Variants in TRPV5 observed in about 807,000 individuals in gnomAD.
TRPV5 encodes transient receptor potential cation channel subfamily V member 5, also known as calcium transport protein 2.
Under a neutral mutation model 74.1 loss-of-function variants are expected in TRPV5, and 66 were observed. The ratio of observed to expected loss-of-function variants is 0.89; its 90% CI spans 0.73 to 1.09. The LOEUF (loss-of-function observed/expected upper bound fraction) is 1.09. Among genes scored for constraint, TRPV5 ranks in the 50% least tolerant of loss-of-function variants. The probability of loss-of-function intolerance (pLI) is 0.00; values close to 1 mark genes in which losing one functional copy is unlikely to be tolerated. For missense variants in TRPV5, 936 were observed against 930.4 expected (o/e 1.01, Z -0.08); for synonymous variants, 399 against 360.7 (o/e 1.11, Z -1.20).
chr7:142,928,582 A>G, intron 6 of TRPV5, 109 bp downstream of exon 6: 1 of 1,434,628 alleles, frequency 7.0e-7, no homozygotes, highest in Non-Finnish European at 9.3e-7. Flanking sequence ...AGTTTGGGGA[A>G]AAGGGATTTT....
intron 1 of TRPV5, among the ~76,000 whole-genome samples, chr7:142,930,911 C>A (rs1374338164): frequency 4.6e-5 from 7 of 151,840 alleles, no homozygotes; most frequent in Non-Finnish European, 2.9e-5. Context: ...TTTGGGAGAC[C>A]AAAACACAGA....
intron 8 of TRPV5, among the ~76,000 whole-genome samples, chr7:142,916,121 C>T (rs907955168): frequency 3.3e-5 from 5 of 152,216 alleles, no homozygotes; most frequent in African/African-American, 1.2e-4. Context: ...ACAGTGCTTA[C>T]CTCCCAGAGT....
At chr7:142,912,109 A>G (rs1277725188) in intron 13 of TRPV5, among the ~76,000 whole-genome samples, 2 of 152,252 alleles carry the variant, frequency 1.3e-5, no homozygotes, top group Non-Finnish European at 2.9e-5. Context: ...TTATCAGTCT[A>G]TGGTGATATA....
At chr7:142,924,281 C>A (rs7457946) in intron 8 of TRPV5, among the ~76,000 whole-genome samples, 2 of 102,066 alleles carry the variant, frequency 2.0e-5, no homozygotes, top group African/African-American at 3.8e-5. Flanking sequence ...TATATATATA[C>A]ATATACATGT....
rs1795941080 is a variant in TRPV5 at position 142,924,327 on chromosome 7, T to TATATATAC, written c.1122+1201_1122+1202insGTATATAT. On this transcript the variant is annotated intron_variant, in intron 8 of 14. Transcript: ENST00000265310. Reference sequence around the variant, plus strand: ...ATATATATATACACACATATACATGTATATATATACATATATATATATATA... The same window carrying TATATATAC: ...ATATATATATACACACATATACATGTATATATACATATATATACATATATATATATATA... Among the ~76,000 whole-genome samples, 25 of 8,428 alleles carry TATATATAC rather than the reference T, an allele frequency of 3.0e-3. 2 individuals carry two copies. Among genetic ancestry groups the TATATATAC allele is most frequent in the African/African-American group, 5.6e-3 (24 of 4,282 alleles). The allele number at this position is 8,428 out of a possible 152,430, so 5.5% of individuals were successfully genotyped here. A position where few individuals can be genotyped will look rare whatever the true frequency, so the allele number is the denominator to read the frequency against.
At chr7:142,909,415 G>A in intron 14 of TRPV5, 75 bp downstream of exon 14, 2 of 1,508,818 alleles carry the variant, frequency 1.3e-6, no homozygotes, top group Non-Finnish European at 1.8e-6. Context: ...GTAGGCTCCA[G>A]GACGCCTGTC....
chr7:142,923,636 G>T (rs1367527613), intron 8 of TRPV5, among the ~76,000 whole-genome samples: 3 of 152,112 alleles, frequency 2.0e-5, no homozygotes, highest in Non-Finnish European at 4.4e-5. Context: ...GGCAGAAAGG[G>T]TAAAAATGCC....
In TRPV5 at chr7:142,928,761, G is replaced by T. The variant is rs1223898278; in HGVS notation, c.692C>A (p.Pro231His). Residue 231 changes from proline (P) to histidine (H), a missense_variant, in exon 6 of 15, where the codon CCC (proline) becomes CAC (histidine). Physicochemically the swap from Pro to His is moderately conservative, Grantham distance 77. Transcript: ENST00000265310. ...SYDGHGDHLQ[P>H]LDLVPNHQGL... ...CTGGTGATTGGGCACAAGGTCCAGG[G>T]GCTGCAGGTGGTCCCCATGTCCATC... The T allele has an allele frequency of 1.9e-6, 3 of 1,614,030 alleles. No homozygotes were observed. The highest frequency in any genetic ancestry group is 1.7e-5 in the Admixed American group (1 of 60,004).
chr7:142,929,083 G>C lies in TRPV5; in HGVS notation c.525C>G (p.Ser175Arg), dbSNP rs776874808. Residue 175 changes from serine to arginine, a missense_variant, in exon 5 of 15, where the codon AGC (serine) becomes AGG (arginine). By Grantham distance (110) the Ser-to-Arg change is moderately radical. Transcript: ENST00000265310. ...HPLSFAACVN[S>R]EEIVRLLIEH... ...CAATGAGCAGCCGCACGATCTCCTCGCTGTTCACACAGGCAGCAAAGGACA... is the reference window on the plus strand; with the variant it reads ...CAATGAGCAGCCGCACGATCTCCTCCCTGTTCACACAGGCAGCAAAGGACA... 1 of 1,614,036 alleles carries C rather than the reference G, an allele frequency of 6.2e-7. No individual in the cohort carries two copies. The highest frequency in any genetic ancestry group is 2.2e-5 in the East Asian group (1 of 44,856).
intron 8 of TRPV5, among the ~76,000 whole-genome samples, chr7:142,920,331 C>T (rs991406276): frequency 1.3e-5 from 2 of 152,280 alleles, no homozygotes; most frequent in Admixed American, 6.5e-5. Context: ...ATGACTTGCC[C>T]TATATGCCAG....
At position 142,915,510 on chromosome 7, in the gene TRPV5, A is replaced by G. The variant is rs370936828; in HGVS notation, c.1181T>C (p.Val394Ala). Residue 394 changes from valine (V) to alanine (A), a missense_variant, in exon 9 of 15, where the codon GTT (valine) becomes GCT (alanine). By Grantham distance (64) the Val-to-Ala change is moderately conservative. Transcript: ENST00000265310. ...TAGGAGCAGGATGATCACAGCCCCA[A>G]CGATGCTCACCAGCTCCCCCACCAG... Reference protein sequence around the residue: ...IRLVGELVSIVGAVIILLLEI... With the variant: ...IRLVGELVSIAGAVIILLLEI... 20 of 1,614,014 alleles carry G rather than the reference A, an allele frequency of 1.2e-5. No homozygotes were observed. The highest frequency in any genetic ancestry group is 4.5e-5 in the East Asian group (2 of 44,884).
chr7:142,929,043 T>A lies in TRPV5; in HGVS notation c.565A>T (p.Ile189Phe). 1 of 1,614,044 alleles carries A rather than the reference T, an allele frequency of 6.2e-7. No homozygotes were observed. Among genetic ancestry groups the A allele is most frequent in the Admixed American group, 1.7e-5 (1 of 60,020 alleles). ...VRLLIEHGADIRAQDSLGNTV... is the reference protein window; with the variant it reads ...VRLLIEHGADFRAQDSLGNTV... ...TTACCCAGGGAGTCCTGGGCCCTGA[T>A]GTCAGCTCCATGCTCAATGAGCAGC... The change falls in exon 5 of 15, where the codon ATC becomes TTC. Residue 189 changes from isoleucine (I) to phenylalanine (F), a missense_variant. Coordinates refer to ENST00000265310, the MANE Select transcript of TRPV5 (RefSeq NM_019841.7).
rs1170805760 is a variant in TRPV5 at position 142,925,759 on chromosome 7, T to A, written c.910-18A>T. 5 of 1,608,898 alleles carry A rather than the reference T, an allele frequency of 3.1e-6. No individual in the cohort carries two copies. In the East Asian group the frequency reaches 8.9e-5, roughly 29 times the overall value. Reference sequence around the variant, plus strand: ...TGGCGAGCCTGGCATGGAAGTAGAGTGAAACTTGGGGTGACCAACACAGAA... The same window carrying A: ...TGGCGAGCCTGGCATGGAAGTAGAGAGAAACTTGGGGTGACCAACACAGAA... On this transcript the variant is annotated intron_variant, in intron 7 of 14. Coordinates refer to ENST00000265310, the MANE Select transcript of TRPV5 (RefSeq NM_019841.7).
chr7:142,929,890 G>A (rs1216294943), intron 3 of TRPV5, among the ~76,000 whole-genome samples, 168 bp downstream of exon 3: 2 of 152,140 alleles, frequency 1.3e-5, no homozygotes, highest in Non-Finnish European at 2.9e-5. Context: ...CCACAGATTG[G>A]TAAAAGCCAA....
At chr7:142,910,556 C>G (rs1243827341) in intron 13 of TRPV5, among the ~76,000 whole-genome samples, 1 of 152,186 alleles carries the variant, frequency 6.6e-6, no homozygotes, top group Non-Finnish European at 1.5e-5. Context: ...AGATCAGAAC[C>G]AGGAAGGCTT....
At chr7:142,920,284 T>G (rs1795862778) in intron 8 of TRPV5, among the ~76,000 whole-genome samples, 1 of 152,224 alleles carries the variant, frequency 6.6e-6, no homozygotes, top group Non-Finnish European at 1.5e-5. Flanking sequence ...AGATTACCCC[T>G]TTCTTCTGAA....
At chr7:142,909,730 A>G in intron 13 of TRPV5, 134 bp from the exon 14 acceptor site, 1 of 850,852 alleles carries the variant, frequency 1.2e-6, no homozygotes, top group Non-Finnish European at 1.8e-6. Context: ...GAGAACAGCC[A>G]CCTATTCACC....
Position 142,928,080 on chromosome 7 carries a change from A to T in TRPV5, c.909+8T>A, listed in dbSNP as rs749390349. The T allele has an allele frequency of 2.5e-6, 4 of 1,614,054 alleles. No individual in the cohort carries two copies. In the African/African-American group the frequency reaches 4.0e-5, roughly 16 times the overall value. On this transcript the variant is annotated splice_region_variant and intron_variant, in intron 7 of 14. Transcript: ENST00000265310. ...CATGACAGGCCTGATCCTCCTTGGCATCCATACCTCTCGTTTATCAGAGGA... is the reference window on the plus strand; with the variant it reads ...CATGACAGGCCTGATCCTCCTTGGCTTCCATACCTCTCGTTTATCAGAGGA...
intron 8 of TRPV5, among the ~76,000 whole-genome samples, chr7:142,922,819 T>C (rs980544710): frequency 1.3e-5 from 2 of 152,222 alleles, no homozygotes; most frequent in African/African-American, 4.8e-5. Flanking sequence ...AGATAAGAAG[T>C]TAACTCAAAT....
Sources: allele counts gnomAD v4.1 joint callset (sites outside exome capture counted in the v4.1 genomes callset), GRCh38; gene constraint gnomAD v4.1.1; transcripts MANE v1.5; gene names NCBI Gene and HGNC (gene_info 2026-07-23, HGNC 2026-07-21).